Variants in PDE7A observed in about 807,000 individuals in gnomAD.
The protein encoded by PDE7A is phosphodiesterase 7A.
In PDE7A, 39 loss-of-function variants were observed where a neutral mutation model predicts 64.3. That is an observed-to-expected ratio of 0.61 (90% CI 0.47 to 0.79). The LOEUF is 0.79. Ranked by LOEUF, PDE7A falls within the 30% of genes least tolerant of loss-of-function variation. The pLI, the probability that PDE7A is intolerant of heterozygous loss-of-function variation, is 0.00. For synonymous variants in PDE7A, 203 were observed against 206.8 expected, an observed-to-expected ratio of 0.98 and a Z score of 0.16; for missense variants, 470 against 582.8, an observed-to-expected ratio of 0.81 and a Z score of 1.99.
rs1052775253 is a variant in PDE7A at position 65,725,417 on chromosome 8, T to C, written c.921-496A>G. 10 of 154,622 alleles carry C rather than the reference T, an allele frequency of 6.5e-5. No individual in the cohort carries two copies. In the Middle Eastern group the frequency reaches 4.6e-3, roughly 72 times the overall value. 9.6% of individuals were successfully genotyped at this position (154,622 alleles called of 1,614,324 possible). On this transcript the variant is annotated intron_variant, in intron 9 of 12. Transcript: ENST00000401827. Reference sequence around the variant, plus strand: ...ATTCTGACTAAGATGCCTGTTGCAATTCCCCTGAGCAACTTAATAACTGTG... The same window carrying C: ...ATTCTGACTAAGATGCCTGTTGCAACTCCCCTGAGCAACTTAATAACTGTG...
rs1461199124 is a variant in PDE7A, at chr8:65,723,534, T to C, written c.1243+7A>G. The C allele has an allele frequency of 6.4e-7, 1 of 1,553,274 alleles. No individual in the cohort carries two copies. Among genetic ancestry groups the C allele is most frequent in the Admixed American group, 1.9e-5 (1 of 52,624 alleles). ...CTAACCAGCTATATCTAAATATGTATAGTTACCAATCTGGATGTTGGCAAT... is the reference window on the plus strand; with the variant it reads ...CTAACCAGCTATATCTAAATATGTACAGTTACCAATCTGGATGTTGGCAAT... On this transcript the variant is annotated splice_region_variant and intron_variant, in intron 12 of 12. Coordinates refer to ENST00000401827, the MANE Select transcript of PDE7A (RefSeq NM_001242318.3).
At chr8:65,836,983 C>T (rs1810964847) in intron 1 of PDE7A, among the ~76,000 whole-genome samples, 1 of 152,182 alleles carries the variant, frequency 6.6e-6, no homozygotes, top group Admixed American at 6.5e-5. Context: ...AAAGCCTCAA[C>T]GATTACATAA....
At chr8:65,753,043 G>T (rs1163877125) in intron 3 of PDE7A, among the ~76,000 whole-genome samples, 1 of 152,052 alleles carries the variant, frequency 6.6e-6, no homozygotes. Flanking sequence ...TTAAATTTGT[G>T]CTTTATGGTA....
intron 11 of PDE7A, 86 bp downstream of exon 11, chr8:65,724,169 A>G (rs921199102): frequency 1.4e-4 from 107 of 790,212 alleles, no homozygotes; most frequent in South Asian, 1.1e-3. Context: ...TGCTAGACCC[A>G]TATAAATTAT....
At chr8:65,797,614 T>C (rs759484289) in intron 1 of PDE7A, among the ~76,000 whole-genome samples, 3 of 152,216 alleles carry the variant, frequency 2.0e-5, no homozygotes, top group Non-Finnish European at 4.4e-5. Context: ...CTAATACATA[T>C]GTTTACGGAC....
At chr8:65,804,571 T>C (rs2128928614) in intron 1 of PDE7A, among the ~76,000 whole-genome samples, 1 of 150,456 alleles carries the variant, frequency 6.6e-6, no homozygotes, top group Admixed American at 6.6e-5. Context: ...AAGACAGTGT[T>C]TCCATTGCCC....
chr8:65,755,102 C>T (rs1349949897), intron 3 of PDE7A, among the ~76,000 whole-genome samples: 4 of 146,722 alleles, frequency 2.7e-5, no homozygotes, highest in African/African-American at 1.0e-4. Flanking sequence ...CTCACTGTAA[C>T]GTCTGCCTCC....
intron 7 of PDE7A, among the ~76,000 whole-genome samples, chr8:65,733,051 A>G (rs975859612): frequency 1.3e-5 from 2 of 152,194 alleles, no homozygotes; most frequent in African/African-American, 4.8e-5. Context: ...ATAAGGGAGA[A>G]GGGAAATGCC....
chr8:65,832,204 C>T (rs1383232459), intron 1 of PDE7A, among the ~76,000 whole-genome samples: 1 of 152,042 alleles, frequency 6.6e-6, no homozygotes, highest in African/African-American at 2.4e-5. Context: ...TACTAGAATC[C>T]ATTGAGCCAT....
chr8:65,788,140 A>C (rs2128925391), intron 1 of PDE7A, among the ~76,000 whole-genome samples: 1 of 152,280 alleles, frequency 6.6e-6, no homozygotes, highest in East Asian at 1.9e-4. Context: ...TGATAGCCTT[A>C]AAAATTCAGT....
chr8:65,835,060 G>C (rs1810920440), intron 1 of PDE7A, among the ~76,000 whole-genome samples: 1 of 152,116 alleles, frequency 6.6e-6, no homozygotes, highest in South Asian at 2.1e-4. Context: ...AATCAACAAA[G>C]TCTATGTTAC....
chr8:65,795,054 C>T (rs1054718999), intron 1 of PDE7A, among the ~76,000 whole-genome samples: 8 of 152,058 alleles, frequency 5.3e-5, no homozygotes, highest in Admixed American at 5.2e-4. Flanking sequence ...TAAATCTTCG[C>T]CAGCAAAAAA....
At chr8:65,749,427 TA>T (rs1356813208) in intron 3 of PDE7A, among the ~76,000 whole-genome samples, 7 of 152,326 alleles carry the variant, frequency 4.6e-5, no homozygotes, top group African/African-American at 1.4e-4. Flanking sequence ...TTCCAGTGAG[TA>T]AAATGCAAGT....
intron 1 of PDE7A, among the ~76,000 whole-genome samples, chr8:65,812,712 G>C (rs1252461238): frequency 6.6e-6 from 1 of 152,052 alleles, no homozygotes; most frequent in African/African-American, 2.4e-5. Flanking sequence ...ACAAGATAAT[G>C]GCCAGATACG....
chr8:65,778,246 C>T (rs1310184528), intron 3 of PDE7A, among the ~76,000 whole-genome samples: 1 of 152,198 alleles, frequency 6.6e-6, no homozygotes, highest in Admixed American at 6.5e-5. Flanking sequence ...CTCACACTTC[C>T]TCTTTCTTGA....
At chr8:65,737,675 C>T (rs991862556) in intron 6 of PDE7A, among the ~76,000 whole-genome samples, 2 of 152,006 alleles carry the variant, frequency 1.3e-5, no homozygotes, top group African/African-American at 4.8e-5. Flanking sequence ...CATGCCTCCA[C>T]ACCCGACTAA....
intron 1 of PDE7A, among the ~76,000 whole-genome samples, chr8:65,784,592 G>A (rs934524637): frequency 9.2e-5 from 14 of 151,976 alleles, no homozygotes; most frequent in Admixed American, 2.6e-4. Context: ...ATGAAACACT[G>A]ACAAATTTGG....
chr8:65,739,904 A>C (rs1193126133), intron 5 of PDE7A, among the ~76,000 whole-genome samples: 1 of 152,188 alleles, frequency 6.6e-6, no homozygotes, highest in Non-Finnish European at 1.5e-5. Flanking sequence ...GAAAACTTTA[A>C]AAATTGTCCC....
intron 3 of PDE7A, among the ~76,000 whole-genome samples, chr8:65,776,841 T>TC (rs1228035097): frequency 2.0e-5 from 3 of 152,198 alleles, no homozygotes; most frequent in Admixed American, 1.3e-4. Flanking sequence ...CTTATACTTT[T>TC]CATTTCTTTT....
Sources: allele counts gnomAD v4.1 joint callset (sites outside exome capture counted in the v4.1 genomes callset), GRCh38; gene constraint gnomAD v4.1.1; transcripts MANE v1.5; gene names NCBI Gene and HGNC (gene_info 2026-07-23, HGNC 2026-07-21).